CFAP46: variants seen among roughly 807,000 people sequenced by gnomAD.
CFAP46 encodes the protein cilia and flagella associated protein 46, also known as cilia- and flagella-associated protein 46.
In CFAP46, 245 loss-of-function variants were observed where a neutral mutation model predicts 325.7. The observed-to-expected ratio is 0.75, with a 90% confidence interval of 0.68 to 0.84. The LOEUF is 0.84. Ranked by LOEUF, CFAP46 falls within the 40% of genes least tolerant of loss-of-function variation. The pLI, the probability that CFAP46 is intolerant of heterozygous loss-of-function variation, is 0.00. For synonymous variants in CFAP46, 1,523 were observed against 1,495.9 expected (o/e 1.02, Z -0.42); for missense variants, 3,346 against 3,543.0 (o/e 0.94, Z 1.41).
intron 29 of CFAP46, among the ~76,000 whole-genome samples, chr10:132,878,700 G>A (rs1283580994): frequency 3.9e-5 from 6 of 152,178 alleles, no homozygotes; most frequent in African/African-American, 9.6e-5. Context: ...GGGGGTTAGC[G>A]TGGAGCATTC....
chr10:132,919,944 C>A lies in CFAP46; in HGVS notation c.1730+115G>T. ...CACCATCCTGGAGCAGGTGGCCTGG[C>A]GAGTCCCCAGACGGCCACATGCAGG... On this transcript the variant is annotated intron_variant, in intron 14 of 57. Coordinates refer to ENST00000368586, the MANE Select transcript of CFAP46 (RefSeq NM_001200049.3). This position sits in a 1 kb window ranked among gnomAD's most constrained non-coding sequence, Gnocchi z 9.7. The A allele has an allele frequency of 1.5e-6, 2 of 1,331,052 alleles. No homozygotes were observed. Among genetic ancestry groups the A allele is most frequent in the Middle Eastern group, 2.7e-4 (1 of 3,736 alleles). The allele number at this position is 1,331,052 out of a possible 1,614,324, so 82.5% of individuals were successfully genotyped here. A position where few individuals can be genotyped will look rare whatever the true frequency, so the allele number is the denominator to read the frequency against.
rs182152528 is a variant in CFAP46, at chr10:132,867,621, G to A, written c.4611-114C>T. On this transcript the variant is annotated intron_variant, in intron 33 of 57. Transcript: ENST00000368586. ...AGCCACAATTACATTCTTCACGCGC[G>A]TGTTTACAAAGATTTTTAAAAATCC... is the stretch of plus-strand genomic sequence containing the variant. The A allele has an allele frequency of 3.9e-5, 52 of 1,321,560 alleles. 1 individual carries two copies. In the South Asian group the frequency reaches 6.1e-4, roughly 15 times the overall value. 81.9% of individuals were successfully genotyped at this position (1,321,560 alleles called of 1,614,324 possible). A position where few individuals can be genotyped will look rare whatever the true frequency, so the allele number is the denominator to read the frequency against.
chr10:132,861,039 G>C (rs1258915904), intron 35 of CFAP46, 57 bp from the exon 36 acceptor site: 2 of 1,494,694 alleles, frequency 1.3e-6, no homozygotes, highest in Non-Finnish European at 1.8e-6. Flanking sequence ...TGCAGGCAGG[G>C]AGACAGGAGC....
rs1002359797 is a variant in CFAP46 at position 132,922,692 on chromosome 10, G to A, written c.1273C>T (p.Arg425Cys). The A allele has an allele frequency of 3.0e-5, 46 of 1,548,118 alleles. No individual in the cohort carries two copies. The highest frequency in any genetic ancestry group is 1.6e-4 in the Admixed American group (8 of 50,942). ...EKLDSLMTLLRCQVHMEMAQI... is the reference protein window; with the variant it reads ...EKLDSLMTLLCCQVHMEMAQI... ...GCCATCTCCATGTGCACTTGACAGC[G>A]GAGAAGCGTCATGAGGCTGCGGGGG... The change falls in exon 12 of 58, where the codon CGC (arginine) becomes TGC (cysteine). Residue 425 changes from arginine to cysteine, a missense_variant. Transcript: ENST00000368586.
chr10:132,843,496 C>T (rs989100407), intron 44 of CFAP46, among the ~76,000 whole-genome samples: 7 of 141,942 alleles, frequency 4.9e-5, no homozygotes, highest in Non-Finnish European at 7.6e-5. Context: ...TCCCAGGGTG[C>T]TGTAGGGCTG....
intron 49 of CFAP46, among the ~76,000 whole-genome samples, 153 bp from the exon 50 acceptor site, chr10:132,833,678 A>G (rs1848189269): frequency 6.6e-6 from 1 of 152,208 alleles, no homozygotes. Flanking sequence ...GATGCCCCAG[A>G]ACGGGGCGAG....
chr10:132,851,336 G>C, intron 39 of CFAP46, 31 bp from the exon 40 acceptor site: 1 of 1,596,338 alleles, frequency 6.3e-7, no homozygotes, highest in South Asian at 1.1e-5. Context: ...TCTGAAGCAT[G>C]GAAGCTTCTG....
intron 50 of CFAP46, among the ~76,000 whole-genome samples, chr10:132,824,659 T>TGC (rs1165830538): frequency 9.0e-6 from 1 of 111,634 alleles, no homozygotes; most frequent in Non-Finnish European, 1.8e-5. Context: ...GTGTGCTGTG[T>TGC]GCTGACGTGT....
chr10:132,822,522 TGAC>T (rs1189301029), intron 50 of CFAP46, among the ~76,000 whole-genome samples: 3 of 127,290 alleles, frequency 2.4e-5, no homozygotes. Context: ...TGATGTGTGC[TGAC>T]GTGTGCTGTG....
At chr10:132,940,141 G>A (rs1850073807) in intron 4 of CFAP46, among the ~76,000 whole-genome samples, 1 of 152,148 alleles carries the variant, frequency 6.6e-6, no homozygotes, top group Admixed American at 6.5e-5. Context: ...GAGGATCTGT[G>A]GGGCTGGGCC....
chr10:132,864,231 CT>C (rs1393775263), intron 35 of CFAP46, among the ~76,000 whole-genome samples: 7 of 135,232 alleles, frequency 5.2e-5, no homozygotes, highest in South Asian at 2.7e-4. Flanking sequence ...ACCTGTCCCC[CT>C]GACACCTGCA....
intron 12 of CFAP46, 49 bp downstream of exon 12, chr10:132,922,431 C>A: frequency 6.7e-7 from 1 of 1,500,426 alleles, no homozygotes; most frequent in Non-Finnish European, 8.9e-7. Context: ...GCCCCGGCCC[C>A]ATGCTGGGGC....
At chr10:132,814,329 G>C (rs557973386) in intron 53 of CFAP46, 75 bp from the exon 54 acceptor site, 8 of 1,295,770 alleles carry the variant, frequency 6.2e-6, no homozygotes, top group Admixed American at 1.9e-5. Flanking sequence ...GGTCCCTGGG[G>C]AGGGGTCACA....
chr10:132,942,176 G>A (rs1850115668), intron 1 of CFAP46, 72 bp from the exon 2 acceptor site: 3 of 1,530,682 alleles, frequency 2.0e-6, no homozygotes, highest in Non-Finnish European at 2.6e-6. Flanking sequence ...ACGCCATCCC[G>A]AAGGCCCCAG....
At chr10:132,850,527 T>C in intron 40 of CFAP46, 95 bp from the exon 41 acceptor site, 1 of 1,252,518 alleles carries the variant, frequency 8.0e-7, no homozygotes, top group Non-Finnish European at 1.1e-6. Flanking sequence ...CTGTGCCCTG[T>C]GGGTGGGAAC....
rs114120826 is a variant in CFAP46 at position 132,809,650 on chromosome 10, T to G, written c.7665-746A>C. On this transcript the variant is annotated intron_variant, in intron 57 of 57. Transcript: ENST00000368586. ...TCCGTGCACCGCTGAGCGCCTCAAC[T>G]CAGGGTCCCGGGAAGCTCCTCTGTG... Among the ~76,000 whole-genome samples the G allele has an allele frequency of 4.7e-3, 719 of 152,212 alleles. 4 individuals are homozygous for G. The highest frequency in any genetic ancestry group is 0.017 in the African/African-American group (687 of 41,528).
chr10:132,936,669 A>G (rs910037669), intron 7 of CFAP46, among the ~76,000 whole-genome samples: 2 of 149,218 alleles, frequency 1.3e-5, no homozygotes. Flanking sequence ...CAAACACACC[A>G]TGATCTCCTC....
rs149956402 is a variant in CFAP46 at position 132,849,787 on chromosome 10, C to T, written c.5952+457G>A. ...GGAGCCAAGGCTGCCTAGGGCTGGC[C>T]CTGCTGTGCACTGGCATGGGGGCCA... is the stretch of plus-strand genomic sequence containing the variant. On this transcript the variant is annotated intron_variant, in intron 41 of 57. Coordinates refer to ENST00000368586, the MANE Select transcript of CFAP46 (RefSeq NM_001200049.3). Among the ~76,000 whole-genome samples, 4 of 152,296 alleles carry T rather than the reference C, an allele frequency of 2.6e-5. No homozygotes were observed. The South Asian group carries it at 8.3e-4, about 32-fold the overall frequency.
In CFAP46 at chr10:132,846,045, G is replaced by A. The variant is rs780955879; in HGVS notation, c.6438+12C>T. The A allele has an allele frequency of 2.8e-5, 45 of 1,597,830 alleles. 1 individual carries two copies. The highest frequency in any genetic ancestry group is 4.5e-4 in the Middle Eastern group (2 of 4,456). The stretch of plus-strand genomic sequence containing the variant: ...GCTGGGGGCAGGTTCAGCGGCATCC[G>A]TGCCCGCTTACCTTGGACACGGCGG... On this transcript the variant is annotated intron_variant, in intron 44 of 57. Transcript: ENST00000368586.
Sources: allele counts gnomAD v4.1 joint callset (sites outside exome capture counted in the v4.1 genomes callset), GRCh38; gene constraint gnomAD v4.1.1; non-coding constraint Gnocchi (gnomAD v3.1); transcripts MANE v1.5; gene names NCBI Gene and HGNC (gene_info 2026-07-23, HGNC 2026-07-21).